Variants in APOLD1 observed in about 807,000 individuals in gnomAD.
The protein encoded by APOLD1 is apolipoprotein L domain-containing protein 1.
Under a neutral mutation model 15.3 loss-of-function variants are expected in APOLD1, and 22 were observed. The ratio of observed to expected loss-of-function variants is 1.44; its 90% CI spans 1.03 to 2.05. APOLD1 has a LOEUF of 2.05. APOLD1 is among the 30% of genes most tolerant of loss of function. APOLD1 has a pLI of 0.00. For synonymous variants in APOLD1, 190 were observed against 167.4 expected (o/e 1.13, Z -1.04); for missense variants, 394 against 353.5 (o/e 1.11, Z -0.92).
At chr12:12,751,640 C>T (rs1436163321) in intron 1 of APOLD1, among the ~76,000 whole-genome samples, 1 of 152,216 alleles carries the variant, frequency 6.6e-6, no homozygotes, top group Non-Finnish European at 1.5e-5. Flanking sequence ...CGTGAGCCAG[C>T]ACGCCCACCC....
chr12:12,771,915 A>C (rs1000653702), intron 1 of APOLD1, among the ~76,000 whole-genome samples: 2 of 152,180 alleles, frequency 1.3e-5, no homozygotes, highest in Non-Finnish European at 2.9e-5. Context: ...AGTGACTCAG[A>C]TTCATTGTAA....
chr12:12,749,706 A>T (rs1194064516), intron 1 of APOLD1, among the ~76,000 whole-genome samples: 1 of 152,194 alleles, frequency 6.6e-6, no homozygotes, highest in Non-Finnish European at 1.5e-5. Flanking sequence ...GGCCCATGGG[A>T]AACCTGTAGG....
chr12:12,751,037 C>T (rs1010502432), intron 1 of APOLD1, among the ~76,000 whole-genome samples: 2 of 151,930 alleles, frequency 1.3e-5, no homozygotes, highest in African/African-American at 4.8e-5. Flanking sequence ...AATCCACTTG[C>T]CTTAGCCTCC....
rs187384515 is a variant in APOLD1, at chr12:12,766,958, C to T, written c.97-19951C>T. 4.6e-5 allele frequency among the ~76,000 whole-genome samples: 7 copies of T among 152,258 alleles called. No homozygotes were observed. In the East Asian group the frequency reaches 1.2e-3, roughly 25 times the overall value. On this transcript the variant is annotated intron_variant, in intron 1 of 1. Transcript: ENST00000326765. ...ATCAGAATAATAAATAAGAGTTGGC[C>T]CCCTGGGCTGGGTGCAGTGGCTCAT...
At chr12:12,729,398 A>G (rs1183273194) in intron 1 of APOLD1, among the ~76,000 whole-genome samples, 1 of 152,144 alleles carries the variant, frequency 6.6e-6, no homozygotes, top group Non-Finnish European at 1.5e-5. Flanking sequence ...TGAGTACGAC[A>G]ATAAACATAG....
At chr12:12,734,578 T>A (rs529675548) in intron 1 of APOLD1, among the ~76,000 whole-genome samples, 2 of 152,364 alleles carry the variant, frequency 1.3e-5, no homozygotes, top group African/African-American at 2.4e-5. Context: ...GCTCTGTGAT[T>A]CTTGTTTCCT....
intron 1 of APOLD1, among the ~76,000 whole-genome samples, chr12:12,748,953 A>C (rs74407939): frequency 0.048 from 7,324 of 152,296 alleles, 276 homozygotes; most frequent in Middle Eastern, 0.095. Flanking sequence ...CTGAGACAGG[A>C]GAAAGTACTC....
At chr12:12,731,127 C>T (rs760255889) in intron 1 of APOLD1, among the ~76,000 whole-genome samples, 55 of 152,100 alleles carry the variant, frequency 3.6e-4, no homozygotes, top group Non-Finnish European at 6.8e-4. Context: ...GGCGACAGAG[C>T]AAGACGCCAT....
At chr12:12,747,393 T>C (rs1946774409) in intron 1 of APOLD1, among the ~76,000 whole-genome samples, 1 of 152,250 alleles carries the variant, frequency 6.6e-6, no homozygotes, top group Admixed American at 6.5e-5. Context: ...TCCTGAGCTG[T>C]GATTTAATTG....
intron 1 of APOLD1, among the ~76,000 whole-genome samples, chr12:12,732,245 G>A (rs768500270): frequency 2.0e-5 from 3 of 152,170 alleles, no homozygotes; most frequent in Non-Finnish European, 2.9e-5. Flanking sequence ...ACAGCTAACC[G>A]TTTGGAGAAA....
chr12:12,762,449 G>A (rs1172914269), intron 1 of APOLD1, among the ~76,000 whole-genome samples: 2 of 151,852 alleles, frequency 1.3e-5, no homozygotes, highest in Non-Finnish European at 2.9e-5. Flanking sequence ...CTGCCTCCCA[G>A]GTTCAAGCAA....
chr12:12,782,289 AC>A (rs753745027), upstream of APOLD1, among the ~76,000 whole-genome samples: 17,920 of 138,778 alleles, frequency 0.13, 1,143 homozygotes, highest in South Asian at 0.28. Context: ...AAACAAACAA[AC>A]AAACACTACC....
chr12:12,757,514 A>G (rs185022494), intron 1 of APOLD1, among the ~76,000 whole-genome samples: 2 of 152,322 alleles, frequency 1.3e-5, no homozygotes, highest in Admixed American at 1.3e-4. Flanking sequence ...TCATAAAACT[A>G]TGAGATAAAT....
chr12:12,787,229 G>C lies in APOLD1; in HGVS notation c.324G>C (p.Ser108=). 1.3e-6 allele frequency: 2 copies of C among 1,569,112 alleles called. No individual in the cohort carries two copies. The highest frequency in any genetic ancestry group is 8.6e-7 in the Non-Finnish European group (1 of 1,163,602). ...CCGTCACCATCACGTCCGATCTCTC[G>C]CTGATCTTCTGCAACTCCCGGGAGC... ...GGAVTITSDL[S]LIFCNSRELR... Residue 108 remains serine (S), a synonymous_variant, in exon 2 of 2, where the codon TCG becomes TCC. Transcript: ENST00000356591. The surrounding 1 kb of genome is among the most constrained non-coding windows in gnomAD (Gnocchi z 4.9).
chr12:12,757,192 TG>T (rs1946863002), intron 1 of APOLD1, among the ~76,000 whole-genome samples: 1 of 152,200 alleles, frequency 6.6e-6, no homozygotes, highest in Non-Finnish European at 1.5e-5. Context: ...TTGAAGAGAT[TG>T]GACTCAGGCT....
intron 1 of APOLD1, among the ~76,000 whole-genome samples, chr12:12,742,213 CT>C (rs1396610165): frequency 2.0e-5 from 3 of 151,686 alleles, no homozygotes; most frequent in African/African-American, 7.3e-5. Flanking sequence ...TACGAGGTTG[CT>C]TTGGCAAAAA....
intron 1 of APOLD1, 125 bp from the exon 2 acceptor site, chr12:12,786,784 C>T: frequency 7.7e-7 from 1 of 1,302,208 alleles, no homozygotes; most frequent in Non-Finnish European, 9.7e-7. Flanking sequence ...CAGACCCGTT[C>T]CCCTAGCGTG....
chr12:12,782,190 C>T (rs933216202), upstream of APOLD1, among the ~76,000 whole-genome samples: 13 of 151,988 alleles, frequency 8.6e-5, no homozygotes, highest in South Asian at 2.1e-4. Flanking sequence ...ACCTGGAAGG[C>T]GGAGGCTGCA....
chr12:12,782,545 G>T (rs1307369786), upstream of APOLD1, among the ~76,000 whole-genome samples: 1 of 152,146 alleles, frequency 6.6e-6, no homozygotes, highest in Non-Finnish European at 1.5e-5. Flanking sequence ...GTGACAACTT[G>T]TCTCTACAAA....
Sources: gnomAD v4.1 joint callset for allele counts (sites outside exome capture counted in the v4.1 genomes callset) on GRCh38, gnomAD v4.1.1 for gene constraint, Gnocchi (gnomAD v3.1) non-coding constraint, MANE v1.5 for transcripts, NCBI Gene and HGNC (gene_info 2026-07-23, HGNC 2026-07-21) for gene names.